The following SLC35D4 variants were observed in gnomAD, a reference collection of about 807,000 sequenced individuals.
The protein encoded by SLC35D4 is UDP-N-acetylglucosamine transporter SLC35D4.
At chr18:23,346,306 T>A in the SLC35D4 span, among the ~76,000 whole-genome samples, 1 of 152,098 alleles carries the variant, frequency 6.6e-6, no homozygotes, top group Non-Finnish European at 1.5e-5. Context: ...ACTACTTTTC[T>A]TATTTTTTGT....
At chr18:23,257,213 T>C in the SLC35D4 span, 1 of 1,603,810 alleles carries the variant, frequency 6.2e-7, no homozygotes, top group Non-Finnish European at 8.5e-7. Flanking sequence ...CTTTTGATTT[T>C]CTTTTTGTTG....
the SLC35D4 span, among the ~76,000 whole-genome samples, chr18:23,400,844 C>G: frequency 6.6e-6 from 1 of 152,214 alleles, no homozygotes; most frequent in South Asian, 2.1e-4. Flanking sequence ...CAGGTCTGAT[C>G]TGTACAACTT....
the SLC35D4 span, among the ~76,000 whole-genome samples, chr18:23,299,027 G>T: frequency 6.6e-6 from 1 of 152,336 alleles, no homozygotes; most frequent in African/African-American, 2.4e-5. Context: ...TTTGGTGGGT[G>T]ACCCTGACAT....
the SLC35D4 span, among the ~76,000 whole-genome samples, chr18:23,411,464 GAAAAA>G: frequency 8.9e-5 from 12 of 135,270 alleles, no homozygotes; most frequent in African/African-American, 3.3e-4. Flanking sequence ...AAGAAAGAAA[GAAAAA>G]AGAAAGAAAG....
chr18:23,353,076 A>AGAGTGTGT, the SLC35D4 span, among the ~76,000 whole-genome samples: 1 of 126,524 alleles, frequency 7.9e-6, no homozygotes, highest in South Asian at 2.8e-4. Flanking sequence ...TGAGACAGAC[A>AGAGTGTGT]GTGTGTGTGT....
the SLC35D4 span, among the ~76,000 whole-genome samples, chr18:23,382,239 C>CAAACA: frequency 4.0e-5 from 3 of 75,704 alleles, no homozygotes; most frequent in Non-Finnish European, 7.5e-5. Flanking sequence ...GACTCAGTCT[C>CAAACA]AAAAAAAAAA....
At chr18:23,289,714 G>A in the SLC35D4 span, among the ~76,000 whole-genome samples, 7 of 152,068 alleles carry the variant, frequency 4.6e-5, no homozygotes, top group Non-Finnish European at 7.3e-5. Context: ...CCAGATGGCC[G>A]GTTCCTGCCT....
the SLC35D4 span, among the ~76,000 whole-genome samples, chr18:23,314,605 T>A: frequency 6.6e-6 from 1 of 152,220 alleles, no homozygotes; most frequent in Non-Finnish European, 1.5e-5. Flanking sequence ...TTGAAATGAC[T>A]AAAATCTGCC....
chr18:23,243,612 C>A, the SLC35D4 span, among the ~76,000 whole-genome samples: 7 of 151,682 alleles, frequency 4.6e-5, 1 homozygote, highest in Admixed American at 4.6e-4. Context: ...GTGGCTCATG[C>A]CTGTAATCCC....
At chr18:23,324,701 T>C in the SLC35D4 span, among the ~76,000 whole-genome samples, 3 of 152,080 alleles carry the variant, frequency 2.0e-5, no homozygotes, top group African/African-American at 4.8e-5. Flanking sequence ...CTGAGTCCTG[T>C]GCTAAGCCTA....
chr18:23,369,707 G>A, the SLC35D4 span, among the ~76,000 whole-genome samples: 1,305 of 152,290 alleles, frequency 8.6e-3, 13 homozygotes, highest in African/African-American at 0.03. Context: ...ACATGTTCCA[G>A]GTGTTGGTGG....
chr18:23,289,578 C>G, the SLC35D4 span, among the ~76,000 whole-genome samples: 1 of 152,262 alleles, frequency 6.6e-6, no homozygotes, highest in South Asian at 2.1e-4. Flanking sequence ...CATACCACCC[C>G]CAAAATTTTC....
chr18:23,369,680 CA>C, the SLC35D4 span, among the ~76,000 whole-genome samples: 1 of 152,202 alleles, frequency 6.6e-6, no homozygotes, highest in Non-Finnish European at 1.5e-5. Context: ...TGCCTCTTCA[CA>C]CATGGCTAAA....
the SLC35D4 span, among the ~76,000 whole-genome samples, chr18:23,289,221 C>G: frequency 6.6e-6 from 1 of 152,202 alleles, no homozygotes; most frequent in South Asian, 2.1e-4. Flanking sequence ...GGTGCTATCC[C>G]CAAACCTCCA....
At chr18:23,403,315 A>T in the SLC35D4 span, among the ~76,000 whole-genome samples, 1 of 152,224 alleles carries the variant, frequency 6.6e-6, no homozygotes, top group Non-Finnish European at 1.5e-5. Flanking sequence ...TAACTGTTAT[A>T]AAGGAGACTA....
At chr18:23,422,820 C>G in the SLC35D4 span, among the ~76,000 whole-genome samples, 127 of 152,276 alleles carry the variant, frequency 8.3e-4, no homozygotes, top group African/African-American at 7.2e-4. Context: ...CCCCTCCCCC[C>G]CCCAATGCAG....
the SLC35D4 span, among the ~76,000 whole-genome samples, chr18:23,355,706 T>C: frequency 6.6e-6 from 1 of 151,908 alleles, no homozygotes; most frequent in East Asian, 1.9e-4. Context: ...CTGTTTGATA[T>C]CTGTGAGAAC....
the SLC35D4 span, chr18:23,421,499 C>T: frequency 6.6e-7 from 1 of 1,522,726 alleles, no homozygotes; most frequent in Non-Finnish European, 9.1e-7. Context: ...TCTCCAACAC[C>T]ATCCAGCCCC....
chr18:23,249,793 G>A, the SLC35D4 span, among the ~76,000 whole-genome samples: 1 of 152,042 alleles, frequency 6.6e-6, no homozygotes, highest in African/African-American at 2.4e-5. Context: ...CGATCTTCTC[G>A]GACATCCTGG....
Sources: allele counts gnomAD v4.1 joint callset (sites outside exome capture counted in the v4.1 genomes callset), GRCh38; gene constraint gnomAD v4.1.1; transcripts MANE v1.5; gene names NCBI Gene and HGNC (gene_info 2026-07-23, HGNC 2026-07-21).